CROCC2: variants seen among roughly 807,000 people sequenced by gnomAD.
The protein encoded by CROCC2 is ciliary rootlet coiled-coil protein 2.
Under a neutral mutation model 177.6 loss-of-function variants are expected in CROCC2, and 163 were observed. The ratio of observed to expected loss-of-function variants is 0.92; its 90% CI spans 0.81 to 1.05. CROCC2 has a LOEUF of 1.05. Ranked by LOEUF, CROCC2 falls within the 50% of genes least tolerant of loss-of-function variation. CROCC2 has a pLI of 0.00. For missense variants in CROCC2, 1,929 were observed against 1,797.8 expected (o/e 1.07, Z -1.32); for synonymous variants, 904 against 787.3 (o/e 1.15, Z -2.48).
At chr2:240,961,825 A>G (rs1559606289) in intron 20 of CROCC2, among the ~76,000 whole-genome samples, 2 of 32,594 alleles carry the variant, frequency 6.1e-5, no homozygotes, top group African/African-American at 1.9e-4. Context: ...ACTCACACAC[A>G]CGCACGCACA....
At chr2:240,938,814 T>A (rs1212766786) in intron 14 of CROCC2, among the ~76,000 whole-genome samples, 1 of 152,236 alleles carries the variant, frequency 6.6e-6, no homozygotes, top group African/African-American at 2.4e-5. Context: ...TTTTATATCA[T>A]GAATTATATT....
In CROCC2 at chr2:240,973,520, C is replaced by G. The variant is rs1441826153; in HGVS notation, c.4401+5258C>G. 6.6e-6 allele frequency among the ~76,000 whole-genome samples: 1 copy of G among 151,928 alleles called. No individual in the cohort carries two copies. The highest frequency in any genetic ancestry group is 1.5e-5 in the Non-Finnish European group (1 of 68,002). On this transcript the variant is annotated intron_variant, in intron 27 of 31. Coordinates refer to ENST00000690015, the MANE Select transcript of CROCC2 (RefSeq NM_001351305.2). This position sits in a 1 kb window ranked among gnomAD's most constrained non-coding sequence, Gnocchi z 4.7. Reference sequence around the variant, plus strand: ...CTTGGACTCTTGCCCAGGCCTCCTTCCCCCACTGTGCCCACGTGCCACACC... The same window carrying G: ...CTTGGACTCTTGCCCAGGCCTCCTTGCCCCACTGTGCCCACGTGCCACACC...
chr2:240,911,972 G>A lies in CROCC2; in HGVS notation c.78+5381G>A, dbSNP rs148480513. 3.3e-3 allele frequency among the ~76,000 whole-genome samples: 500 copies of A among 152,198 alleles called. 5 individuals carry two copies. The highest frequency in any genetic ancestry group is 9.3e-3 in the African/African-American group (387 of 41,510). ...AACCTCGGAGTACAAATATTTCTTCGAGCCTCTGCTTTCAATTCTTTCGGG... is the reference window on the plus strand; with the variant it reads ...AACCTCGGAGTACAAATATTTCTTCAAGCCTCTGCTTTCAATTCTTTCGGG... On this transcript the variant is annotated intron_variant, in intron 1 of 31. Transcript: ENST00000690015.
rs932904135 is a variant in CROCC2 at position 240,933,805 on chromosome 2, G to T, written c.1599G>T (p.Glu533Asp). ...TCCTGCTGCAGGCAGAGCGGAGGGA[G>T]GAGCTGGCTCTGCGGAGGGAGCGGA... is the stretch of plus-strand genomic sequence containing the variant. Reference protein sequence around the residue: ...RSLLLQAERREELALRRERSC... With the variant: ...RSLLLQAERRDELALRRERSC... Residue 533 changes from glutamate to aspartate, a missense_variant, in exon 11 of 32, where the codon GAG becomes GAT. Around this residue, in one of 3 missense-constraint regions of CROCC2, gnomAD observed 1,397 missense variants for 1,239.9 expected, o/e 1.13. Coordinates refer to ENST00000690015, the MANE Select transcript of CROCC2 (RefSeq NM_001351305.2). 5 of 1,548,640 alleles carry T rather than the reference G, an allele frequency of 3.2e-6. No homozygotes were observed. The highest frequency in any genetic ancestry group is 2.6e-6 in the Non-Finnish European group (3 of 1,146,740).
intron 27 of CROCC2, among the ~76,000 whole-genome samples, chr2:240,968,622 G>A (rs781141081): frequency 4.6e-5 from 7 of 152,260 alleles, no homozygotes; most frequent in Admixed American, 1.3e-4. Flanking sequence ...AGGCCACAGC[G>A]GCAGGCATGG....
intron 14 of CROCC2, among the ~76,000 whole-genome samples, chr2:240,937,392 C>T (rs1034089452): frequency 6.6e-6 from 1 of 152,046 alleles, no homozygotes; most frequent in East Asian, 1.9e-4. Context: ...TATGAATATA[C>T]AGGAATTTAT....
At position 240,953,845 on chromosome 2, in the gene CROCC2, C is replaced by T. The variant is rs1393024884; in HGVS notation, c.2830-2014C>T. On this transcript the variant is annotated intron_variant, in intron 18 of 31. Coordinates refer to ENST00000690015, the MANE Select transcript of CROCC2 (RefSeq NM_001351305.2). The surrounding 1 kb of genome is among the most constrained non-coding windows in gnomAD (Gnocchi z 4.0). The stretch of plus-strand genomic sequence containing the variant: ...TCCACTGGAACCCTCCATTCTCCGA[C>T]CCGCTGTGTCTGAATGGCGGCTTGC... Among the ~76,000 whole-genome samples, 1 of 152,238 alleles carries T rather than the reference C, an allele frequency of 6.6e-6. No individual in the cohort carries two copies. The highest frequency in any genetic ancestry group is 2.4e-5 in the African/African-American group (1 of 41,460).
intron 1 of CROCC2, among the ~76,000 whole-genome samples, chr2:240,916,903 G>T (rs1262160521): frequency 6.6e-6 from 1 of 152,276 alleles, no homozygotes; most frequent in Middle Eastern, 3.4e-3. Context: ...AAAATAAGGG[G>T]TTTAGAACAG....
rs1257195662 is a variant in CROCC2, at chr2:240,985,117, C to T, written c.4551+2088C>T. Among the ~76,000 whole-genome samples the T allele has an allele frequency of 4.1e-4, 6 of 14,654 alleles. 1 individual carries two copies. The highest frequency in any genetic ancestry group is 3.7e-3 in the African/African-American group (6 of 1,640). 9.6% of individuals were successfully genotyped at this position (14,654 alleles called of 152,430 possible). ...CCAGGCACTCACTCCACACACACACCCAGGCACTCACTCCACACACACCCA... is the reference window on the plus strand; with the variant it reads ...CCAGGCACTCACTCCACACACACACTCAGGCACTCACTCCACACACACCCA... On this transcript the variant is annotated intron_variant, in intron 28 of 31. Transcript: ENST00000690015.
intron 1 of CROCC2, among the ~76,000 whole-genome samples, chr2:240,909,961 G>A (rs2059277188): frequency 6.6e-6 from 1 of 152,118 alleles, no homozygotes; most frequent in Non-Finnish European, 1.5e-5. Flanking sequence ...GACCAGGGGT[G>A]GTGGCTCTGG....
chr2:240,935,021 T>C lies in CROCC2; in HGVS notation c.1897T>C (p.Leu633=). ...LAAMAALMEG[L]AQDKSALNHL... is the part of the protein sequence containing the mutation. ...CGCAATGGCCGCCTTGATGGAGGGGTTGGCTCAGGACAAAAGTGCCCTGAA... is the reference window on the plus strand; with the variant it reads ...CGCAATGGCCGCCTTGATGGAGGGGCTGGCTCAGGACAAAAGTGCCCTGAA... Residue 633 remains leucine, a synonymous_variant, in exon 13 of 32, where the codon TTG becomes CTG. Coordinates refer to ENST00000690015, the MANE Select transcript of CROCC2 (RefSeq NM_001351305.2). The C allele has an allele frequency of 7.0e-7, 1 of 1,424,124 alleles. No homozygotes were observed. Among genetic ancestry groups the C allele is most frequent in the Non-Finnish European group, 9.2e-7 (1 of 1,085,288 alleles). 88.2% of individuals were successfully genotyped at this position (1,424,124 alleles called of 1,614,324 possible).
At chr2:240,974,534 CTTTTTT>C (rs61276773) in intron 27 of CROCC2, among the ~76,000 whole-genome samples, 10 of 134,916 alleles carry the variant, frequency 7.4e-5, no homozygotes, top group Non-Finnish European at 1.4e-4. Context: ...TCTTTTTTTT[CTTTTTT>C]TTTTTTTTTT....
At chr2:240,987,934 GC>G (rs1206768213) in intron 28 of CROCC2, among the ~76,000 whole-genome samples, 1 of 152,234 alleles carries the variant, frequency 6.6e-6, no homozygotes, top group African/African-American at 2.4e-5. Context: ...CATGAGGCAT[GC>G]CCCAGGCCAT....
chr2:240,959,284 C>T lies in CROCC2; in HGVS notation c.2944-17C>T. 1.3e-6 allele frequency: 2 copies of T among 1,549,320 alleles called. No homozygotes were observed. Among genetic ancestry groups the T allele is most frequent in the Non-Finnish European group, 1.7e-6 (2 of 1,146,418 alleles). On this transcript the variant is annotated splice_polypyrimidine_tract_variant and intron_variant, in intron 19 of 31. Transcript: ENST00000690015. The stretch of plus-strand genomic sequence containing the variant: ...CCCAGCTCCCTGGTGCCACCGTGGG[C>T]TCCCTTCTCCCCGCAGGCCACCATC...
At position 240,966,556 on chromosome 2, in the gene CROCC2, C is replaced by T. The variant is rs115050682; in HGVS notation, c.4146+147C>T. The T allele has an allele frequency of 7.1e-3, 2,833 of 397,184 alleles. 62 individuals carry two copies. The highest frequency in any genetic ancestry group is 0.048 in the African/African-American group (2,349 of 48,708). The allele number at this position is 397,184 out of a possible 1,614,324, so 24.6% of individuals were successfully genotyped here. A position where few individuals can be genotyped will look rare whatever the true frequency, so the allele number is the denominator to read the frequency against. ...TTTGTTGTGATAAACACCAGCACCA[C>T]CATGGCCCCCAAGCCCAAGTGCCTT... On this transcript the variant is annotated intron_variant, in intron 25 of 31. Coordinates refer to ENST00000690015, the MANE Select transcript of CROCC2 (RefSeq NM_001351305.2).
At chr2:240,916,473 G>GT (rs1424147935) in intron 1 of CROCC2, among the ~76,000 whole-genome samples, 1 of 49,058 alleles carries the variant, frequency 2.0e-5, no homozygotes, top group East Asian at 1.2e-3. Context: ...CTCCCCCCGT[G>GT]CCCCCGCGCC....
chr2:240,931,463 C>T (rs1559594507), intron 7 of CROCC2, among the ~76,000 whole-genome samples: 1 of 152,178 alleles, frequency 6.6e-6, no homozygotes, highest in Non-Finnish European at 1.5e-5. Flanking sequence ...CAAGAGCTCA[C>T]CTTAGGTAAA....
At position 240,935,365 on chromosome 2, in the gene CROCC2, A is replaced by G; in HGVS notation, c.1946A>G (p.Gln649Arg). The G allele has an allele frequency of 2.9e-6, 4 of 1,356,522 alleles. No individual in the cohort carries two copies. The highest frequency in any genetic ancestry group is 3.8e-6 in the Non-Finnish European group (4 of 1,048,168). The allele number at this position is 1,356,522 out of a possible 1,614,324, so 84.0% of individuals were successfully genotyped here. A position where few individuals can be genotyped will look rare whatever the true frequency, so the allele number is the denominator to read the frequency against. The change falls in exon 14 of 32, where the codon CAG (glutamine) becomes CGG (arginine). Residue 649 changes from glutamine (Q) to arginine (R), a missense_variant. Transcript: ENST00000690015. ...CCCGACACCTGGTGGCAGCTGGAGC[A>G]GGAGCGGGACCAGCTGCGGGAACAG... Reference protein sequence around the residue: ...ALNHLALQLEQERDQLREQRK... With the variant: ...ALNHLALQLERERDQLREQRK...
Position 240,922,522 on chromosome 2 carries a change from C to T in CROCC2, c.382-17C>T, listed in dbSNP as rs1489508348. The T allele has an allele frequency of 2.9e-6, 2 of 693,860 alleles. No homozygotes were observed. Among genetic ancestry groups the T allele is most frequent in the African/African-American group, 3.5e-5 (2 of 56,470 alleles). 43.0% of individuals were successfully genotyped at this position (693,860 alleles called of 1,614,324 possible). A position where few individuals can be genotyped will look rare whatever the true frequency, so the allele number is the denominator to read the frequency against. On this transcript the variant is annotated splice_polypyrimidine_tract_variant and intron_variant, in intron 3 of 31. Coordinates refer to ENST00000690015, the MANE Select transcript of CROCC2 (RefSeq NM_001351305.2). ...TTCAGGAGCAGCCAGACCAGGTGGGCTATTGCTCCTCCCCAGCTGCAGGCC... is the reference window on the plus strand; with the variant it reads ...TTCAGGAGCAGCCAGACCAGGTGGGTTATTGCTCCTCCCCAGCTGCAGGCC...
Sources: allele counts gnomAD v4.1 joint callset (sites outside exome capture counted in the v4.1 genomes callset), GRCh38; gene constraint gnomAD v4.1.1; regional missense constraint gnomAD v4.1.1; non-coding constraint Gnocchi (gnomAD v3.1); transcripts MANE v1.5; gene names NCBI Gene and HGNC (gene_info 2026-07-23, HGNC 2026-07-21).